The following AGL variants were observed in gnomAD, a reference collection of about 807,000 sequenced individuals.
AGL encodes the protein amylo-alpha-1,6-glucosidase and 4-alpha-glucanotransferase.
AGL carries 128 observed loss-of-function variants against 199.3 expected under a neutral mutation model. The observed-to-expected ratio is 0.64, with a 90% CI of 0.56 to 0.74. The LOEUF (loss-of-function observed/expected upper bound fraction) is 0.74. Ranked by LOEUF, AGL falls within the 30% of genes least tolerant of loss-of-function variation. The pLI is 0.00. For synonymous variants in AGL, 584 were observed against 594.7 expected (o/e 0.98, Z 0.26); for missense variants, 1,809 against 1,820.8 (o/e 0.99, Z 0.12).
At chr1:99,858,641 A>T (rs1649775790) in intron 2 of AGL, among the ~76,000 whole-genome samples, 1 of 152,210 alleles carries the variant, frequency 6.6e-6, no homozygotes, top group Admixed American at 6.5e-5. Flanking sequence ...TTTCATCATT[A>T]TATGATTTTA....
chr1:99,889,996 T>C (rs995341538), intron 21 of AGL, among the ~76,000 whole-genome samples: 1 of 152,192 alleles, frequency 6.6e-6, no homozygotes, highest in Non-Finnish European at 1.5e-5. Context: ...TTTCCCTCCT[T>C]ATAATACGGT....
chr1:99,857,847 A>AGGGAGACCGTGGGGAGGGGGTGGGGGG (rs1649685231), intron 2 of AGL, among the ~76,000 whole-genome samples: 1 of 8,222 alleles, frequency 1.2e-4, no homozygotes, highest in African/African-American at 4.8e-4. Flanking sequence ...GGGGAGGGGG[A>AGGGAGACCGTGGGGAGGGGGTGGGGGG]GGGGGGAAGA....
intron 31 of AGL, among the ~76,000 whole-genome samples, chr1:99,915,934 GT>G (rs1343628578): frequency 6.6e-6 from 1 of 152,154 alleles, no homozygotes; most frequent in African/African-American, 2.4e-5. Flanking sequence ...GTTGCTATTT[GT>G]AATCCGATAA....
At chr1:99,914,151 T>C (rs1165326250) in intron 30 of AGL, among the ~76,000 whole-genome samples, 1 of 152,146 alleles carries the variant, frequency 6.6e-6, no homozygotes, top group Admixed American at 6.5e-5. Flanking sequence ...AAAATGATAT[T>C]TGTATAGCAC....
chr1:99,888,216 A>G (rs551079012), intron 21 of AGL, 108 bp downstream of exon 21: 22 of 1,416,302 alleles, frequency 1.6e-5, no homozygotes, highest in African/African-American at 1.1e-4. Flanking sequence ...TTGGGTTGCA[A>G]TTATGGCTCT....
chr1:99,905,375 G>GTTGT (rs1216063183), intron 27 of AGL, among the ~76,000 whole-genome samples: 2 of 105,270 alleles, frequency 1.9e-5, no homozygotes, highest in African/African-American at 7.6e-5. Flanking sequence ...TTTTGTATTT[G>GTTGT]TTGTTGTTGT....
chr1:99,864,681 A>C (rs538389), intron 5 of AGL, 92 bp downstream of exon 5: 10 of 1,193,748 alleles, frequency 8.4e-6, no homozygotes, highest in Non-Finnish European at 1.2e-5. Flanking sequence ...AGAAAGAAAG[A>C]GAAAGGAAAG....
intron 28 of AGL, among the ~76,000 whole-genome samples, chr1:99,911,562 C>T (rs1023911309): frequency 3.3e-5 from 5 of 152,156 alleles, no homozygotes; most frequent in South Asian, 4.1e-4. Flanking sequence ...CCTGTCTCAG[C>T]CTCCCAAGTA....
chr1:99,901,452 G>A (rs550360006), intron 26 of AGL, among the ~76,000 whole-genome samples: 1 of 151,634 alleles, frequency 6.6e-6, no homozygotes, highest in African/African-American at 2.4e-5. Flanking sequence ...GCACAGTTTA[G>A]GGGACATAGT....
At chr1:99,894,754 T>C (rs890357465) in intron 24 of AGL, among the ~76,000 whole-genome samples, 5 of 152,152 alleles carry the variant, frequency 3.3e-5, no homozygotes, top group Non-Finnish European at 4.4e-5. Flanking sequence ...CTTTCACTTT[T>C]CGATCTACAT....
intron 29 of AGL, among the ~76,000 whole-genome samples, chr1:99,913,199 G>A (rs955845653): frequency 2.6e-5 from 4 of 151,350 alleles, no homozygotes; most frequent in African/African-American, 9.7e-5. Flanking sequence ...CAGCTTGGGT[G>A]GACAATACCA....
At position 99,870,741 on chromosome 1, in the gene AGL, C is replaced by A; in HGVS notation, c.847-17C>A. The A allele has an allele frequency of 2.0e-6, 3 of 1,516,616 alleles. No homozygotes were observed. Among genetic ancestry groups the A allele is most frequent in the Non-Finnish European group, 2.7e-6 (3 of 1,092,842 alleles). The allele number at this position is 1,516,616 out of a possible 1,614,324, so 93.9% of individuals were successfully genotyped here. A position where few individuals can be genotyped will look rare whatever the true frequency, so the allele number is the denominator to read the frequency against. On this transcript the variant is annotated splice_polypyrimidine_tract_variant and intron_variant, in intron 6 of 33. Coordinates refer to ENST00000361915, the MANE Select transcript of AGL (RefSeq NM_000642.3). ...GTATATGTATATATGTATTTTTTAA[C>A]TATTGACATTTTTCAGTCCATCCGA... is the stretch of plus-strand genomic sequence containing the variant.
chr1:99,856,354 CCCTCCCTCCCTT>C (rs1557741618), intron 2 of AGL, among the ~76,000 whole-genome samples: 23 of 87,282 alleles, frequency 2.6e-4, no homozygotes, highest in East Asian at 6.6e-4. Flanking sequence ...CTCCCTCCCT[CCCTCCCTCCCTT>C]CCTTCCTCCC....
In AGL at chr1:99,884,363, C is replaced by G; in HGVS notation, c.2458C>G (p.Gln820Glu). ...GCTTAATGAAAGTAAAATTGTTAAA[C>G]AAGCTGGAGTTGCCACAAAAGGGCC... ...IQLNESKIVK[Q>E]AGVATKGPNE... Residue 820 changes from glutamine to glutamate, a missense_variant, in exon 19 of 34, where the codon CAA becomes GAA. Physicochemically the swap from Gln to Glu is conservative, Grantham distance 29. Transcript: ENST00000361915. 2.5e-6 allele frequency: 4 copies of G among 1,612,472 alleles called. No individual in the cohort carries two copies. The highest frequency in any genetic ancestry group is 3.4e-6 in the Non-Finnish European group (4 of 1,179,306).
intron 25 of AGL, among the ~76,000 whole-genome samples, chr1:99,899,764 G>A (rs957652717): frequency 1.3e-4 from 20 of 152,052 alleles, no homozygotes; most frequent in Non-Finnish European, 1.9e-4. Context: ...GGGATTACAG[G>A]TGCCTGCCAC....
At chr1:99,871,653 CTCAG>C (rs140091451) in intron 7 of AGL, among the ~76,000 whole-genome samples, 19 of 152,226 alleles carry the variant, frequency 1.2e-4, no homozygotes, top group African/African-American at 3.4e-4. Context: ...CTCTAGGATA[CTCAG>C]TCAGCTTCAT....
intron 24 of AGL, among the ~76,000 whole-genome samples, chr1:99,894,234 A>T (rs1653134294): frequency 6.6e-6 from 1 of 152,208 alleles, no homozygotes; most frequent in South Asian, 2.1e-4. Flanking sequence ...GACAAATTAG[A>T]AATCACTTAG....
At chr1:99,920,876 C>T (rs949389591) in intron 33 of AGL, among the ~76,000 whole-genome samples, 1 of 152,150 alleles carries the variant, frequency 6.6e-6, no homozygotes, top group Non-Finnish European at 1.5e-5. Flanking sequence ...GTGCTAACAT[C>T]ACTGTGTTCT....
chr1:99,884,157 TGA>T lies in AGL; in HGVS notation c.2351_2352del (p.Arg784LysfsTer6), dbSNP rs774652075. On this transcript the variant is annotated frameshift_variant, in exon 18 of 34. Transcript: ENST00000361915. LOFTEE classifies it high-confidence loss of function. ...EEVVLEARTI[E>X]RNTKPYRKDE... ...AAGTAGTTCTTGAAGCTAGAACTATTGAGAGAAACACGAAACCTTATAGGAAG... is the reference window on the plus strand; with the variant it reads ...AAGTAGTTCTTGAAGCTAGAACTATTGAGAAACACGAAACCTTATAGGAAG... The T allele has an allele frequency of 2.5e-6, 4 of 1,612,910 alleles. No individual in the cohort carries two copies. The highest frequency in any genetic ancestry group is 2.5e-6 in the Non-Finnish European group (3 of 1,179,124).
Sources: allele counts gnomAD v4.1 joint callset (sites outside exome capture counted in the v4.1 genomes callset), GRCh38; gene constraint gnomAD v4.1.1; transcripts MANE v1.5; gene names NCBI Gene and HGNC (gene_info 2026-07-23, HGNC 2026-07-21).